BRINP1: variants seen among roughly 807,000 people sequenced by gnomAD.
The protein encoded by BRINP1 is BMP/retinoic acid inducible neural specific 1.
A neutral mutation model predicts 72.9 loss-of-function variants in BRINP1; 17 were observed. That is an observed-to-expected ratio of 0.23 (90% CI 0.16 to 0.35). The LOEUF (loss-of-function observed/expected upper bound fraction) is 0.35. Ranked by LOEUF, BRINP1 falls within the 10% of genes least tolerant of loss-of-function variation. The pLI is 1.00. For synonymous variants in BRINP1, 418 were observed against 378.5 expected (o/e 1.10, Z -1.21); for missense variants, 850 against 1,001.6 (o/e 0.85, Z 2.04).
intron 2 of BRINP1, among the ~76,000 whole-genome samples, chr9:119,300,816 C>T (rs1181978452): frequency 1.3e-5 from 2 of 152,202 alleles, no homozygotes; most frequent in East Asian, 1.9e-4. Flanking sequence ...TCAGTTCTTG[C>T]CTTATGTGCT....
chr9:119,282,429 G>T (rs1225707819), intron 2 of BRINP1, among the ~76,000 whole-genome samples: 3 of 152,324 alleles, frequency 2.0e-5, no homozygotes, highest in Admixed American at 1.3e-4. Context: ...AAACAAGGAA[G>T]TTGGCATCTG....
chr9:119,180,645 C>T (rs955101987), intron 7 of BRINP1, among the ~76,000 whole-genome samples: 1 of 152,182 alleles, frequency 6.6e-6, no homozygotes, highest in African/African-American at 2.4e-5. Flanking sequence ...CCATCAGACT[C>T]ACTCTGTTCA....
intron 5 of BRINP1, among the ~76,000 whole-genome samples, chr9:119,238,326 A>T (rs1830211642): frequency 6.6e-6 from 1 of 152,196 alleles, no homozygotes; most frequent in Admixed American, 6.5e-5. Context: ...TGGAGCCCCA[A>T]ACATAAACTT....
chr9:119,173,336 C>A (rs377520921), intron 7 of BRINP1, among the ~76,000 whole-genome samples: 1 of 145,108 alleles, frequency 6.9e-6, no homozygotes, highest in Admixed American at 6.9e-5. Context: ...TATACACCAA[C>A]AACAGACAAA....
At chr9:119,179,775 A>G (rs1829532332) in intron 7 of BRINP1, among the ~76,000 whole-genome samples, 2 of 152,122 alleles carry the variant, frequency 1.3e-5, no homozygotes, top group Non-Finnish European at 2.9e-5. Flanking sequence ...TACTCCCTCA[A>G]TGCCCATGCT....
chr9:119,334,861 A>G lies in BRINP1; in HGVS notation c.-50-21456T>C, dbSNP rs144446746. ...GGATGAGGGGACATTGTGCCAGACA[A>G]GAGAGATCGAGTCTGAGGAAGTGAA... On this transcript the variant is annotated intron_variant, in intron 1 of 7. Coordinates refer to ENST00000265922, the MANE Select transcript of BRINP1 (RefSeq NM_014618.3). Among the ~76,000 whole-genome samples, 553 of 152,264 alleles carry G rather than the reference A, an allele frequency of 3.6e-3. 2 individuals carry two copies. The highest frequency in any genetic ancestry group is 0.013 in the African/African-American group (533 of 41,538).
chr9:119,335,267 G>A (rs1243580341), intron 1 of BRINP1, among the ~76,000 whole-genome samples: 1 of 152,190 alleles, frequency 6.6e-6, no homozygotes, highest in Non-Finnish European at 1.5e-5. Flanking sequence ...GTGGGAGTCA[G>A]GAGGCCTGAG....
chr9:119,330,629 G>C (rs1303339052), intron 1 of BRINP1, among the ~76,000 whole-genome samples: 2 of 152,172 alleles, frequency 1.3e-5, no homozygotes, highest in African/African-American at 4.8e-5. Flanking sequence ...GTAAGGCCCA[G>C]GTTCTAACAC....
At chr9:119,367,241 T>TATATATATATATATATATATATA (rs1318946495) in intron 1 of BRINP1, among the ~76,000 whole-genome samples, 3 of 143,358 alleles carry the variant, frequency 2.1e-5, no homozygotes, top group Non-Finnish European at 3.0e-5. Context: ...TATATATATA[T>TATATATATATATATATATATATA]ATCTTCCTAG....
Position 119,323,341 on chromosome 9 carries a change from C to T in BRINP1, c.-50-9936G>A, listed in dbSNP as rs542568049. On this transcript the variant is annotated intron_variant, in intron 1 of 7. Transcript: ENST00000265922. The stretch of plus-strand genomic sequence containing the variant: ...AAACCCAGCAGCAGAGCAGGGGCTG[C>T]AATTTGGGAAGCAACTGCCTAGTTC... Among the ~76,000 whole-genome samples the T allele has an allele frequency of 1.2e-3, 182 of 152,300 alleles. 1 individual carries two copies. Among genetic ancestry groups the T allele is most frequent in the Middle Eastern group, 3.4e-3 (1 of 294 alleles).
intron 5 of BRINP1, among the ~76,000 whole-genome samples, chr9:119,229,378 A>G (rs1830125671): frequency 6.6e-6 from 1 of 152,124 alleles, no homozygotes; most frequent in East Asian, 1.9e-4. Flanking sequence ...TACAACAACC[A>G]TAGGAAGTAA....
At chr9:119,313,670 G>C (rs1344324932) in intron 1 of BRINP1, among the ~76,000 whole-genome samples, 4 of 152,064 alleles carry the variant, frequency 2.6e-5, no homozygotes, top group Non-Finnish European at 5.9e-5. Context: ...CAAACTGTTT[G>C]GTCTATTATG....
intron 7 of BRINP1, among the ~76,000 whole-genome samples, chr9:119,184,563 C>T (rs1829595903): frequency 6.6e-6 from 1 of 152,082 alleles, no homozygotes; most frequent in African/African-American, 2.4e-5. Flanking sequence ...TCAAATTATA[C>T]CCCCTGCTCC....
intron 3 of BRINP1, among the ~76,000 whole-genome samples, chr9:119,243,805 C>G (rs373318361): frequency 2.0e-5 from 3 of 152,184 alleles, no homozygotes; most frequent in African/African-American, 7.2e-5. Context: ...CATCATATAT[C>G]TATTGGCTAG....
chr9:119,244,314 T>C (rs1258968157), intron 3 of BRINP1, among the ~76,000 whole-genome samples: 4 of 152,224 alleles, frequency 2.6e-5, no homozygotes, highest in African/African-American at 9.6e-5. Flanking sequence ...TAGATTTGGC[T>C]TAAAACTGAT....
In BRINP1 at chr9:119,231,215, A is replaced by C. The variant is rs1370317563; in HGVS notation, c.685+7440T>G. Among the ~76,000 whole-genome samples, 4 of 152,108 alleles carry C rather than the reference A, an allele frequency of 2.6e-5. No homozygotes were observed. The East Asian group carries it at 5.8e-4, about 22-fold the overall frequency. ...AGGCAATCAAGAAATAAAGATCAAG[A>C]AAATGTCTCCATTATCACATGTACA... On this transcript the variant is annotated intron_variant, in intron 5 of 7. Transcript: ENST00000265922.
At chr9:119,283,614 C>T (rs903897371) in intron 2 of BRINP1, among the ~76,000 whole-genome samples, 2 of 152,176 alleles carry the variant, frequency 1.3e-5, no homozygotes, top group Non-Finnish European at 2.9e-5. Flanking sequence ...CTGCAACCTC[C>T]GCCTCCCGGG....
At chr9:119,210,537 T>G (rs561493670) in intron 6 of BRINP1, among the ~76,000 whole-genome samples, 38 of 152,174 alleles carry the variant, frequency 2.5e-4, no homozygotes, top group Non-Finnish European at 4.7e-4. Flanking sequence ...AAATGGCCAG[T>G]AGATAGGAGA....
intron 2 of BRINP1, among the ~76,000 whole-genome samples, chr9:119,269,504 T>TG (rs1830586434): frequency 6.6e-6 from 1 of 152,196 alleles, no homozygotes; most frequent in Admixed American, 6.5e-5. Context: ...CATGGTTTCT[T>TG]TTCTTTTTGG....
Sources: gnomAD v4.1 joint callset for allele counts (sites outside exome capture counted in the v4.1 genomes callset) on GRCh38, gnomAD v4.1.1 for gene constraint, MANE v1.5 for transcripts, NCBI Gene and HGNC (gene_info 2026-07-23, HGNC 2026-07-21) for gene names.